The following DOCK3 variants were observed in gnomAD, a reference collection of about 807,000 sequenced individuals.
DOCK3 encodes the protein dedicator of cytokinesis 3.
In DOCK3, 60 loss-of-function variants were observed where a neutral mutation model predicts 265.6. That is an observed-to-expected ratio of 0.23 (90% CI 0.18 to 0.28). The LOEUF (loss-of-function observed/expected upper bound fraction) is 0.28, where lower values mean the gene tolerates loss of function less well. DOCK3 is among the 10% of genes least tolerant of loss of function. The probability of loss-of-function intolerance (pLI) is 1.00; values close to 1 mark genes in which losing one functional copy is unlikely to be tolerated. For synonymous variants in DOCK3, 881 were observed against 938.0 expected (o/e 0.94, Z 1.11); for missense variants, 1,981 against 2,594.3 (o/e 0.76, Z 5.14).
intron 14 of DOCK3, among the ~76,000 whole-genome samples, chr3:51,221,899 T>C (rs1560234194): frequency 6.6e-6 from 1 of 152,184 alleles, no homozygotes; most frequent in Non-Finnish European, 1.5e-5. Context: ...ATCTGCATGC[T>C]GCCTAAGAGC....
chr3:51,071,818 A>T (rs985732677), intron 6 of DOCK3, among the ~76,000 whole-genome samples: 1 of 152,210 alleles, frequency 6.6e-6, no homozygotes, highest in African/African-American at 2.4e-5. Flanking sequence ...AGGAAAAAAT[A>T]GCCAGGAGCC....
Position 51,377,158 on chromosome 3 carries a change from G to A in DOCK3, c.5500+1323G>A, listed in dbSNP as rs143539195. Among the ~76,000 whole-genome samples, 60 of 152,146 alleles carry A rather than the reference G, an allele frequency of 3.9e-4. No homozygotes were observed. The East Asian group carries it at 7.4e-3, about 19-fold the overall frequency. On this transcript the variant is annotated intron_variant, in intron 51 of 52. Transcript: ENST00000266037. ...AGGCCTCAGGCCAAGGCCAGACTAC[G>A]ACTACATCAAGGAGCTGGACATGCC...
At chr3:50,996,455 G>T (rs2078287803) in intron 5 of DOCK3, among the ~76,000 whole-genome samples, 2 of 152,092 alleles carry the variant, frequency 1.3e-5, no homozygotes, top group Admixed American at 1.3e-4. Context: ...CTAACCTTGT[G>T]ATCCGCCTAC....
chr3:51,312,080 G>A lies in DOCK3; in HGVS notation c.3093+1G>A. On this transcript the variant is annotated splice_donor_variant, in intron 29 of 52. Coordinates refer to ENST00000266037, the MANE Select transcript of DOCK3 (RefSeq NM_004947.5). LOFTEE classifies it high-confidence loss of function. Reference sequence around the variant, plus strand: ...CACAGAGACTGACTTTGACTTTAAGGTAGGCACTCCTGAAATATCCATCAC... The same window carrying A: ...CACAGAGACTGACTTTGACTTTAAGATAGGCACTCCTGAAATATCCATCAC... 1 of 1,599,238 alleles carries A rather than the reference G, an allele frequency of 6.3e-7. No individual in the cohort carries two copies. The highest frequency in any genetic ancestry group is 8.5e-7 in the Non-Finnish European group (1 of 1,171,862).
rs551070774 is a variant in DOCK3 at position 50,920,429 on chromosome 3, T to A, written c.219-13552T>A. ...TAATTATTGCCTCAATTTCAGAGCC[T>A]ATTATTGGTCTATTCAGGGATTCAC... On this transcript the variant is annotated intron_variant, in intron 4 of 52. Transcript: ENST00000266037. 1.5e-3 allele frequency among the ~76,000 whole-genome samples: 224 copies of A among 152,336 alleles called. 1 individual carries two copies. The highest frequency in any genetic ancestry group is 2.7e-3 in the Non-Finnish European group (184 of 68,020).
At chr3:50,890,895 A>AG (rs1226107878) in intron 4 of DOCK3, among the ~76,000 whole-genome samples, 4 of 152,076 alleles carry the variant, frequency 2.6e-5, no homozygotes, top group African/African-American at 9.7e-5. Flanking sequence ...AGAACAAAAG[A>AG]GGAAATACTG....
chr3:50,873,579 A>G (rs2047540319), intron 3 of DOCK3, among the ~76,000 whole-genome samples: 2 of 152,124 alleles, frequency 1.3e-5, no homozygotes, highest in Admixed American at 6.6e-5. Context: ...GTGTTCCCTA[A>G]TCCACTGGCT....
chr3:50,900,647 A>C, intron 4 of DOCK3: 1 of 446,210 alleles, frequency 2.2e-6, no homozygotes, highest in South Asian at 1.6e-5. Context: ...GGTGACCTTC[A>C]GATGGGGTTT....
At chr3:50,913,734 A>T (rs1292426447) in intron 4 of DOCK3, among the ~76,000 whole-genome samples, 1 of 152,038 alleles carries the variant, frequency 6.6e-6, no homozygotes, top group African/African-American at 2.4e-5. Flanking sequence ...ACAGAATAGC[A>T]CTGAATTCAG....
chr3:50,864,813 TG>T (rs1445845962), intron 3 of DOCK3, among the ~76,000 whole-genome samples: 6 of 152,172 alleles, frequency 3.9e-5, no homozygotes, highest in Admixed American at 3.9e-4. Flanking sequence ...TGTGTTTTTA[TG>T]CCAGTCATGC....
chr3:51,344,009 G>T (rs994856836), intron 38 of DOCK3, among the ~76,000 whole-genome samples: 1 of 152,184 alleles, frequency 6.6e-6, no homozygotes. Flanking sequence ...GAAGGAAGGG[G>T]TGATGTGAAG....
rs117140996 is a variant in DOCK3, at chr3:51,013,924, T to G, written c.316-50524T>G. ...ATGCTTGCTGCCTAGCAGTTCGATC[T>G]GGGATTAGCAGTGAGTAAGGCTTCG... On this transcript the variant is annotated intron_variant, in intron 5 of 52. Transcript: ENST00000266037. Among the ~76,000 whole-genome samples the G allele has an allele frequency of 2.0e-3, 309 of 152,310 alleles. 4 individuals carry two copies. The highest frequency in any genetic ancestry group is 0.013 in the East Asian group (66 of 5,180).
At chr3:50,969,363 T>A (rs1305266839) in intron 5 of DOCK3, among the ~76,000 whole-genome samples, 1 of 152,190 alleles carries the variant, frequency 6.6e-6, no homozygotes, top group Non-Finnish European at 1.5e-5. Context: ...AGTCTATAAA[T>A]GTCTTTACAA....
chr3:51,239,769 T>A (rs1189721117), intron 21 of DOCK3, among the ~76,000 whole-genome samples: 1 of 152,040 alleles, frequency 6.6e-6, no homozygotes, highest in African/African-American at 2.4e-5. Flanking sequence ...TCTCTGATGG[T>A]TATTTGTATT....
intron 5 of DOCK3, among the ~76,000 whole-genome samples, chr3:50,982,935 C>T (rs771203465): frequency 2.6e-5 from 4 of 152,166 alleles, no homozygotes; most frequent in Admixed American, 1.3e-4. Flanking sequence ...CATCTCTGCA[C>T]TCTTGGGCAC....
chr3:51,271,987 T>G (rs1256716300), intron 24 of DOCK3, among the ~76,000 whole-genome samples: 1 of 152,106 alleles, frequency 6.6e-6, no homozygotes, highest in African/African-American at 2.4e-5. Flanking sequence ...GACAGGGAGC[T>G]CTTTATGCTC....
At chr3:51,106,805 A>G (rs575785091) in intron 9 of DOCK3, among the ~76,000 whole-genome samples, 3 of 152,186 alleles carry the variant, frequency 2.0e-5, no homozygotes, top group Admixed American at 6.5e-5. Context: ...CCATACTTCA[A>G]ATGCTTGAAT....
chr3:51,241,028 T>G (rs1176140964), intron 21 of DOCK3, among the ~76,000 whole-genome samples: 1 of 152,236 alleles, frequency 6.6e-6, no homozygotes, highest in Non-Finnish European at 1.5e-5. Context: ...ATGTCACTGG[T>G]CTGTGTACTT....
intron 1 of DOCK3, among the ~76,000 whole-genome samples, chr3:50,683,577 T>G (rs2034562058): frequency 6.6e-6 from 1 of 152,204 alleles, no homozygotes; most frequent in Non-Finnish European, 1.5e-5. Flanking sequence ...CTTTGTGAAC[T>G]TGATAATGTT....
Sources: gnomAD v4.1 joint callset for allele counts (sites outside exome capture counted in the v4.1 genomes callset) on GRCh38, gnomAD v4.1.1 for gene constraint, MANE v1.5 for transcripts, NCBI Gene and HGNC (gene_info 2026-07-23, HGNC 2026-07-21) for gene names.